Variants in MACROD2 observed in about 807,000 individuals in gnomAD.
MACROD2 encodes the protein ADP-ribose glycohydrolase MACROD2.
A neutral mutation model predicts 70.4 loss-of-function variants in MACROD2; 36 were observed. The ratio of observed to expected loss-of-function variants is 0.51; its 90% CI spans 0.39 to 0.68. The LOEUF (loss-of-function observed/expected upper bound fraction) is 0.68. MACROD2 is among the 30% of genes least tolerant of loss of function. MACROD2 has a pLI of 0.00. For synonymous variants in MACROD2, 172 were observed against 178.8 expected (o/e 0.96, Z 0.30); for missense variants, 496 against 538.4 (o/e 0.92, Z 0.78).
At chr20:14,753,682 G>A (rs2071904010) in intron 5 of MACROD2, among the ~76,000 whole-genome samples, 1 of 152,098 alleles carries the variant, frequency 6.6e-6, no homozygotes, top group South Asian at 2.1e-4. Context: ...ACAGCTTATA[G>A]TATTGGTGGC....
intron 5 of MACROD2, among the ~76,000 whole-genome samples, chr20:14,863,204 A>G (rs538458519): frequency 6.6e-6 from 1 of 152,240 alleles, no homozygotes; most frequent in South Asian, 2.1e-4. Context: ...GAAGGGCAGC[A>G]ACTTTTCATA....
intron 8 of MACROD2, among the ~76,000 whole-genome samples, chr20:15,788,955 G>A (rs1415315047): frequency 6.6e-6 from 1 of 152,118 alleles, no homozygotes; most frequent in Non-Finnish European, 1.5e-5. Flanking sequence ...ATTGGCTTGT[G>A]CTTCATTCTT....
chr20:15,434,013 C>G (rs2046396795), intron 7 of MACROD2, among the ~76,000 whole-genome samples: 1 of 151,938 alleles, frequency 6.6e-6, no homozygotes, highest in Admixed American at 6.6e-5. Context: ...AAACTAGATC[C>G]TCATTTCTCA....
chr20:14,486,580 C>A (rs1466031168), intron 3 of MACROD2, among the ~76,000 whole-genome samples: 1 of 130,514 alleles, frequency 7.7e-6, no homozygotes, highest in African/African-American at 2.9e-5. Flanking sequence ...AGTGCAGTGG[C>A]GTGATCTCGG....
intron 5 of MACROD2, among the ~76,000 whole-genome samples, chr20:15,155,100 G>A (rs1225305451): frequency 7.3e-6 from 1 of 137,362 alleles, no homozygotes; most frequent in African/African-American, 2.6e-5. Context: ...AACTCACCTT[G>A]TTTAGGTTAC....
At chr20:15,588,028 G>C (rs1051757163) in intron 8 of MACROD2, among the ~76,000 whole-genome samples, 5 of 152,182 alleles carry the variant, frequency 3.3e-5, no homozygotes, top group African/African-American at 1.2e-4. Context: ...CACTAGCAGA[G>C]GTTCTCCATG....
chr20:15,053,283 G>A (rs4813171), intron 5 of MACROD2, among the ~76,000 whole-genome samples: 25,790 of 152,194 alleles, frequency 0.17, 2,811 homozygotes, highest in East Asian at 0.33. Flanking sequence ...ATTGGAAGAA[G>A]ATGCCACTTG....
intron 5 of MACROD2, among the ~76,000 whole-genome samples, chr20:14,738,565 A>G (rs367903451): frequency 3.3e-5 from 5 of 152,186 alleles, no homozygotes; most frequent in African/African-American, 1.2e-4. Context: ...TGCTTAGAAC[A>G]GTACTTAGCA....
intron 8 of MACROD2, among the ~76,000 whole-genome samples, chr20:15,734,710 A>C (rs1421818823): frequency 6.6e-6 from 1 of 152,182 alleles, no homozygotes; most frequent in Non-Finnish European, 1.5e-5. Flanking sequence ...TTTCTGGCAT[A>C]TGTGTCTATA....
chr20:15,433,685 A>G (rs1054884837), intron 7 of MACROD2, among the ~76,000 whole-genome samples: 1 of 151,642 alleles, frequency 6.6e-6, no homozygotes, highest in Non-Finnish European at 1.5e-5. Context: ...TCACAGAACT[A>G]GGAAAAAAAA....
At chr20:15,122,699 C>T (rs2076039383) in intron 5 of MACROD2, among the ~76,000 whole-genome samples, 1 of 152,154 alleles carries the variant, frequency 6.6e-6, no homozygotes, top group Non-Finnish European at 1.5e-5. Context: ...ACATGTCTCT[C>T]ATTACTTCTC....
At chr20:14,589,686 C>T (rs1981632794) in intron 4 of MACROD2, among the ~76,000 whole-genome samples, 1 of 152,118 alleles carries the variant, frequency 6.6e-6, no homozygotes, top group Non-Finnish European at 1.5e-5. Context: ...TTTCTCTATA[C>T]TGTTTTCCTC....
At chr20:14,770,602 T>A (rs963554508) in intron 5 of MACROD2, among the ~76,000 whole-genome samples, 6 of 152,118 alleles carry the variant, frequency 3.9e-5, no homozygotes, top group Non-Finnish European at 7.4e-5. Context: ...GAATATTTTA[T>A]GATGATGTCT....
chr20:14,617,857 G>A (rs971841536), intron 4 of MACROD2, among the ~76,000 whole-genome samples: 11 of 152,198 alleles, frequency 7.2e-5, no homozygotes, highest in South Asian at 4.2e-4. Context: ...GCGAAGCCTC[G>A]CAATCATGAA....
chr20:14,157,517 G>T (rs928749750), intron 3 of MACROD2, among the ~76,000 whole-genome samples: 1 of 151,780 alleles, frequency 6.6e-6, no homozygotes, highest in Non-Finnish European at 1.5e-5. Flanking sequence ...CTGTATATTT[G>T]TACCCATTAA....
chr20:15,758,643 G>A (rs140481418), intron 8 of MACROD2, among the ~76,000 whole-genome samples: 4 of 149,624 alleles, frequency 2.7e-5, no homozygotes, highest in African/African-American at 7.4e-5. Context: ...TGGCTCAAGC[G>A]ATCCTTCTTC....
At chr20:14,515,463 A>ACACACACACACGCGCACG (rs34190778) in intron 4 of MACROD2, among the ~76,000 whole-genome samples, 9 of 138,822 alleles carry the variant, frequency 6.5e-5, no homozygotes, top group Admixed American at 2.8e-4. Context: ...ATACACACAC[A>ACACACACACACGCGCACG]CGCACACACA....
At chr20:15,130,740 C>A (rs1460204197) in intron 5 of MACROD2, among the ~76,000 whole-genome samples, 2 of 151,916 alleles carry the variant, frequency 1.3e-5, no homozygotes, top group Non-Finnish European at 2.9e-5. Context: ...TACTAGAATC[C>A]CTGGGAGTTG....
chr20:14,466,150 C>T (rs184286764), intron 3 of MACROD2, among the ~76,000 whole-genome samples: 2,422 of 152,230 alleles, frequency 0.016, 34 homozygotes, highest in Non-Finnish European at 0.025. Flanking sequence ...GTTCCATTCT[C>T]CCCGTCACTT....
Sources: allele counts gnomAD v4.1 joint callset (sites outside exome capture counted in the v4.1 genomes callset), GRCh38; gene constraint gnomAD v4.1.1; transcripts MANE v1.5; gene names NCBI Gene and HGNC (gene_info 2026-07-23, HGNC 2026-07-21).